SYN1: variants seen among roughly 807,000 people sequenced by gnomAD.
SYN1 encodes synapsin-1.
A neutral mutation model predicts 44.6 loss-of-function variants in SYN1; 8 were observed. The observed-to-expected ratio is 0.18, with a 90% CI of 0.11 to 0.32. The LOEUF (loss-of-function observed/expected upper bound fraction) is 0.32, where lower values mean the gene tolerates loss of function less well. Among genes scored for constraint, SYN1 ranks in the 10% least tolerant of loss-of-function variants. The pLI, the probability that SYN1 is intolerant of heterozygous loss-of-function variation, is 1.00. For synonymous variants in SYN1, 275 were observed against 280.1 expected (o/e 0.98, Z 0.18); for missense variants, 451 against 639.4 (o/e 0.71, Z 3.18).
intron 5 of SYN1, chrX:47,585,762 G>A: frequency 8.5e-7 from 1 of 1,171,096 alleles, no homozygotes; most frequent in Non-Finnish European, 1.1e-6. Flanking sequence ...GCTATTCTGT[G>A]TCCCTGTGGC....
chrX:47,577,652 G>A, intron 5 of SYN1, 151 bp from the exon 6 acceptor site: 1 of 514,258 alleles, frequency 1.9e-6, no homozygotes, highest in Non-Finnish European at 3.4e-6. Context: ...CAGCAGCTGG[G>A]GGTCACACAG....
At chrX:47,614,981 G>T (rs772357584) in intron 1 of SYN1, among the ~76,000 whole-genome samples, 1 of 110,432 alleles carries the variant, frequency 9.1e-6, no homozygotes, top group African/African-American at 3.3e-5. Flanking sequence ...TCCCCCACAG[G>T]TGTTATTCCC....
intron 5 of SYN1, among the ~76,000 whole-genome samples, chrX:47,595,707 C>A (rs1365365620): frequency 9.0e-6 from 1 of 111,620 alleles, no homozygotes; most frequent in African/African-American, 3.3e-5. Context: ...GGCCTTGAAG[C>A]AAGAACATTC....
chrX:47,579,849 G>GGCC (rs2057790354), intron 5 of SYN1, among the ~76,000 whole-genome samples: 1 of 83,183 alleles, frequency 1.2e-5, no homozygotes, highest in Non-Finnish European at 2.3e-5. Context: ...TGTTTTTGTC[G>GGCC]CCCCCCCACC....
intron 5 of SYN1, among the ~76,000 whole-genome samples, chrX:47,593,272 CTT>C (rs759476078): frequency 1.8e-4 from 14 of 78,916 alleles, no homozygotes; most frequent in Admixed American, 4.2e-4. Flanking sequence ...ATGGTCTATG[CTT>C]TTTTTTTTTT....
chrX:47,585,474 C>T (rs1378892696), intron 5 of SYN1: 1 of 1,192,123 alleles, frequency 8.4e-7, no homozygotes, highest in South Asian at 1.8e-5. Context: ...GAAGGCCGGG[C>T]CTTTGGCAGC....
At chrX:47,584,504 C>T (rs2057814442) in intron 5 of SYN1, among the ~76,000 whole-genome samples, 1 of 111,796 alleles carries the variant, frequency 8.9e-6, no homozygotes, top group Admixed American at 9.4e-5. Flanking sequence ...TTTGTCAGCC[C>T]CTTACCCAGG....
rs909225683 is a variant in SYN1, at chrX:47,619,831, C to G, written c.-103G>C. On this transcript the variant is annotated 5_prime_UTR_variant, in exon 1 of 13. Coordinates refer to ENST00000295987, the MANE Select transcript of SYN1 (RefSeq NM_006950.3). Reference sequence around the variant, plus strand: ...CACAGCTGCGCTCTCAGGCACGACACGACTCCTCCGCTGCCCACCGCAGAC... The same window carrying G: ...CACAGCTGCGCTCTCAGGCACGACAGGACTCCTCCGCTGCCCACCGCAGAC... The G allele has an allele frequency of 2.0e-5, 18 of 903,107 alleles. No individual in the cohort carries two copies. The highest frequency in any genetic ancestry group is 2.9e-5 in the Admixed American group (1 of 34,508). The allele number at this position is 903,107 out of a possible 1,213,427, so 74.4% of individuals were successfully genotyped here. A position where few individuals can be genotyped will look rare whatever the true frequency, so the allele number is the denominator to read the frequency against.
Position 47,572,853 on chromosome X carries a change from A to G in SYN1, c.*11T>C. The G allele has an allele frequency of 8.3e-7, 1 of 1,211,465 alleles. No individual in the cohort carries two copies. Among genetic ancestry groups the G allele is most frequent in the Non-Finnish European group, 1.1e-6 (1 of 895,322 alleles). On this transcript the variant is annotated 3_prime_UTR_variant, in exon 13 of 13. Coordinates refer to ENST00000295987, the MANE Select transcript of SYN1 (RefSeq NM_006950.3). ...GTTGCCCAGGGATTTTGGGGTTCTC[A>G]GAGTGGGGTATCAGTCGGAGAAGAG...
chrX:47,582,686 TC>T, intron 5 of SYN1: 1 of 274,355 alleles, frequency 3.6e-6, no homozygotes, highest in African/African-American at 2.9e-5. Context: ...ACCCCTGACA[TC>T]CGCCCCCAAT....
At chrX:47,593,571 T>A (rs752437248) in intron 5 of SYN1, among the ~76,000 whole-genome samples, 2 of 111,932 alleles carry the variant, frequency 1.8e-5, no homozygotes, top group Admixed American at 1.9e-4. Context: ...ACCAGGTCTA[T>A]GCTTTTCTTT....
chrX:47,590,063 C>T (rs763362059), intron 5 of SYN1: 4 of 110,701 alleles, frequency 3.6e-5, no homozygotes, highest in African/African-American at 9.9e-5. Flanking sequence ...GGTAGGTCTC[C>T]GAGACCCAAA....
intron 1 of SYN1, among the ~76,000 whole-genome samples, chrX:47,617,067 G>A (rs2057933441): frequency 9.0e-6 from 1 of 111,455 alleles, no homozygotes. Flanking sequence ...AAGAAGGAAG[G>A]GGAGCTGAAG....
At chrX:47,604,877 C>T in intron 5 of SYN1, 101 bp downstream of exon 5, 1 of 795,122 alleles carries the variant, frequency 1.3e-6, no homozygotes, top group Non-Finnish European at 1.8e-6. Context: ...ACACAGCAGC[C>T]ACACTCTTGA....
At chrX:47,575,338 C>G (rs2057774393) in intron 9 of SYN1, 64 bp from the exon 10 acceptor site, 1 of 1,167,508 alleles carries the variant, frequency 8.6e-7, no homozygotes, top group African/African-American at 1.8e-5. Context: ...GCAGTAACAC[C>G]GTGCTTTCAG....
Position 47,574,275 on chromosome X carries a change from G to C in SYN1, c.1709C>G (p.Ser570Cys), listed in dbSNP as rs1281994011. Residue 570 changes from serine to cysteine, a missense_variant, in exon 12 of 13, where the codon TCT (serine) becomes TGT (cysteine). By Grantham distance (112) the Ser-to-Cys change is moderately radical. This residue lies in a region of SYN1 where 127 missense variants were observed against 154.8 expected (regional missense o/e 0.82). Coordinates refer to ENST00000295987, the MANE Select transcript of SYN1 (RefSeq NM_006950.3). Reference protein sequence around the residue: ...PPQATRQTSVSGPAPPKASGA... With the variant: ...PPQATRQTSVCGPAPPKASGA... ...AGAGGCCTTTGGCGGAGCCGGGCCA[G>C]AGACGGATGTCTGACGGGTAGCCTG... 9.0e-7 allele frequency: 1 copy of C among 1,105,844 alleles called. No individual in the cohort carries two copies. The highest frequency in any genetic ancestry group is 3.1e-5 in the Admixed American group (1 of 32,177). 91.1% of individuals were successfully genotyped at this position (1,105,844 alleles called of 1,213,427 possible). A position where few individuals can be genotyped will look rare whatever the true frequency, so the allele number is the denominator to read the frequency against.
intron 1 of SYN1, among the ~76,000 whole-genome samples, chrX:47,609,104 A>T (rs189148620): frequency 1.1e-3 from 124 of 110,075 alleles, no homozygotes; most frequent in African/African-American, 4.0e-3. Context: ...CACATTTTTC[A>T]TCTATAAACT....
At chrX:47,577,092 A>G (rs1028562570) in intron 6 of SYN1, among the ~76,000 whole-genome samples, 2 of 111,058 alleles carry the variant, frequency 1.8e-5, no homozygotes, top group Non-Finnish European at 3.8e-5. Flanking sequence ...CAGGACCCCA[A>G]GACTTTGGAA....
intron 5 of SYN1, chrX:47,583,552 A>C: frequency 8.5e-7 from 1 of 1,176,433 alleles, no homozygotes; most frequent in Non-Finnish European, 1.1e-6. Context: ...TCCTCACCCC[A>C]CTCAGCCCAC....
Sources: gnomAD v4.1 joint callset for allele counts (sites outside exome capture counted in the v4.1 genomes callset) on GRCh38, gnomAD v4.1.1 for gene constraint, gnomAD v4.1.1 regional missense constraint, MANE v1.5 for transcripts, NCBI Gene and HGNC (gene_info 2026-07-23, HGNC 2026-07-21) for gene names.